Variants in MGAT5 observed in about 807,000 individuals in gnomAD.
The protein encoded by MGAT5 is alpha-1,6-mannosylglycoprotein 6-beta-N-acetylglucosaminyltransferase A.
A neutral mutation model predicts 94.3 loss-of-function variants in MGAT5; 30 were observed. The observed-to-expected ratio is 0.32, with a 90% CI of 0.24 to 0.43. The LOEUF (loss-of-function observed/expected upper bound fraction) is 0.43. MGAT5 is among the 20% of genes least tolerant of loss of function. MGAT5 has a pLI of 1.00. For synonymous variants in MGAT5, 310 were observed against 322.9 expected (o/e 0.96, Z 0.43); for missense variants, 691 against 905.5 (o/e 0.76, Z 3.04).
intron 10 of MGAT5, among the ~76,000 whole-genome samples, chr2:134,387,313 TATATATATATATATATATA>T (rs1408561099): frequency 2.3e-5 from 1 of 43,060 alleles, no homozygotes; most frequent in African/African-American, 9.5e-5. Context: ...TATATATATA[TATATATATATATATATATA>T]TTTTTTTTTT....
intron 1 of MGAT5, among the ~76,000 whole-genome samples, chr2:134,246,243 C>G (rs1682254477): frequency 6.6e-6 from 1 of 151,290 alleles, no homozygotes; most frequent in African/African-American, 2.4e-5. Flanking sequence ...TTGGGCAGCA[C>G]CCTGCCTGCT....
chr2:134,333,782 G>A (rs963837331), intron 4 of MGAT5, among the ~76,000 whole-genome samples: 1 of 152,090 alleles, frequency 6.6e-6, no homozygotes, highest in Non-Finnish European at 1.5e-5. Flanking sequence ...TCTTATTTAG[G>A]AAAATGTTGC....
intron 2 of MGAT5, among the ~76,000 whole-genome samples, chr2:134,281,552 C>T (rs919962965): frequency 1.5e-4 from 23 of 152,324 alleles, no homozygotes; most frequent in African/African-American, 5.1e-4. Context: ...CCTTCAAACA[C>T]TATAGCCATC....
intron 8 of MGAT5, among the ~76,000 whole-genome samples, chr2:134,345,723 T>C (rs541973818): frequency 6.6e-6 from 1 of 152,300 alleles, no homozygotes; most frequent in Non-Finnish European, 1.5e-5. Context: ...CTTTCAGTCT[T>C]TTTGAGAAAA....
At chr2:134,365,487 T>G (rs1489296908) in intron 10 of MGAT5, among the ~76,000 whole-genome samples, 1 of 152,140 alleles carries the variant, frequency 6.6e-6, no homozygotes, top group South Asian at 2.1e-4. Context: ...ATCAAAAAAA[T>G]GCGTCTGTGG....
chr2:134,205,438 A>G (rs548976501), intron 1 of MGAT5, among the ~76,000 whole-genome samples: 1 of 152,040 alleles, frequency 6.6e-6, no homozygotes, highest in Admixed American at 6.6e-5. Flanking sequence ...ATACTGATGG[A>G]TTAAATATGA....
chr2:134,432,555 T>C (rs1226254213), intron 14 of MGAT5, among the ~76,000 whole-genome samples: 1 of 152,184 alleles, frequency 6.6e-6, no homozygotes, highest in Non-Finnish European at 1.5e-5. Flanking sequence ...AGAAGGTTGG[T>C]ACTAGCTTGA....
chr2:134,341,527 C>A (rs374975517), intron 6 of MGAT5, 63 bp from the exon 7 acceptor site: 2 of 1,347,518 alleles, frequency 1.5e-6, no homozygotes, highest in Admixed American at 2.3e-5. Flanking sequence ...CATTTCTTGG[C>A]GCATTACTGT....
chr2:134,437,390 C>G (rs542772922), intron 14 of MGAT5, among the ~76,000 whole-genome samples: 1 of 152,294 alleles, frequency 6.6e-6, no homozygotes, highest in South Asian at 2.1e-4. Flanking sequence ...TCAGTAGGTA[C>G]AGAGATACTG....
At chr2:134,433,533 G>A (rs144204729) in intron 14 of MGAT5, among the ~76,000 whole-genome samples, 4 of 152,284 alleles carry the variant, frequency 2.6e-5, no homozygotes, top group East Asian at 1.9e-4. Flanking sequence ...TATAGGCACC[G>A]TCACTGTTTC....
At chr2:134,367,997 G>C (rs1680541222) in intron 10 of MGAT5, among the ~76,000 whole-genome samples, 1 of 144,538 alleles carries the variant, frequency 6.9e-6, no homozygotes, top group Non-Finnish European at 1.5e-5. Flanking sequence ...GTGTAGATGA[G>C]GAGCTGGCTC....
chr2:134,137,507 A>T (rs972318735), intron 1 of MGAT5, among the ~76,000 whole-genome samples: 1 of 152,192 alleles, frequency 6.6e-6, no homozygotes, highest in Non-Finnish European at 1.5e-5. Context: ...CAGGCTGCAG[A>T]CTTGAAGTCA....
chr2:134,348,180 C>G (rs1438843720), intron 8 of MGAT5, among the ~76,000 whole-genome samples: 1 of 152,156 alleles, frequency 6.6e-6, no homozygotes, highest in Admixed American at 6.5e-5. Flanking sequence ...CTGAGCTATT[C>G]AAAGAGCAAC....
intron 1 of MGAT5, among the ~76,000 whole-genome samples, chr2:134,172,915 TTGTCTC>T (rs1688286774): frequency 6.6e-6 from 1 of 152,190 alleles, no homozygotes; most frequent in Non-Finnish European, 1.5e-5. Context: ...TGAACACACT[TTGTCTC>T]TGACAACATC....
chr2:134,445,455 GA>G (rs1685719061), intron 15 of MGAT5, among the ~76,000 whole-genome samples: 1 of 152,014 alleles, frequency 6.6e-6, no homozygotes, highest in East Asian at 1.9e-4. Flanking sequence ...GGGCAGGAGG[GA>G]GGGGCGGGAG....
At chr2:134,241,559 A>G (rs1681974358) in intron 1 of MGAT5, among the ~76,000 whole-genome samples, 1 of 152,250 alleles carries the variant, frequency 6.6e-6, no homozygotes, top group Non-Finnish European at 1.5e-5. Flanking sequence ...ATTAAGTTAA[A>G]TGCTGTGTAT....
At chr2:134,120,244 A>C (rs1685501085) in exon 1 of MGAT5, 1 of 373,240 alleles carries the variant, frequency 2.7e-6, no homozygotes, top group Non-Finnish European at 4.8e-6. Flanking sequence ...CCGCGTGGGC[A>C]CGGCGGCCGG....
chr2:134,255,887 T>C (rs532484332), intron 1 of MGAT5, among the ~76,000 whole-genome samples: 1 of 152,348 alleles, frequency 6.6e-6, no homozygotes, highest in Admixed American at 6.5e-5. Context: ...TACTCAGTTA[T>C]ACATGTGCTT....
intron 1 of MGAT5, among the ~76,000 whole-genome samples, chr2:134,233,173 GTTTTA>G (rs1681458776): frequency 2.6e-5 from 4 of 152,144 alleles, no homozygotes; most frequent in Non-Finnish European, 4.4e-5. Flanking sequence ...CTGGTTCTGT[GTTTTA>G]TTTTGTTTTC....
Sources: gnomAD v4.1 joint callset for allele counts (sites outside exome capture counted in the v4.1 genomes callset) on GRCh38, gnomAD v4.1.1 for gene constraint, MANE v1.5 for transcripts, NCBI Gene and HGNC (gene_info 2026-07-23, HGNC 2026-07-21) for gene names.